FAM78B: variants seen among roughly 807,000 people sequenced by gnomAD.
FAM78B encodes protein FAM78B.
In FAM78B, 10 loss-of-function variants were observed where a neutral mutation model predicts 20.0. The ratio of observed to expected loss-of-function variants is 0.50; its 90% CI spans 0.31 to 0.85. FAM78B has a LOEUF of 0.85. Among genes scored for constraint, FAM78B ranks in the 40% least tolerant of loss-of-function variants. The pLI is 0.05. For synonymous variants in FAM78B, 135 were observed against 132.8 expected (o/e 1.02, Z -0.12); for missense variants, 283 against 345.0 (o/e 0.82, Z 1.42).
chr1:166,090,888 A>G (rs1653039170), intron 1 of FAM78B, among the ~76,000 whole-genome samples: 1 of 152,192 alleles, frequency 6.6e-6, no homozygotes, highest in Admixed American at 6.5e-5. Flanking sequence ...GGTATTGCTC[A>G]TGGCACTTCA....
intron 1 of FAM78B, among the ~76,000 whole-genome samples, chr1:166,095,621 C>T (rs890217865): frequency 6.6e-6 from 1 of 152,162 alleles, no homozygotes; most frequent in African/African-American, 2.4e-5. Flanking sequence ...TCATTGTGAG[C>T]CCGCAGGAAC....
intron 1 of FAM78B, among the ~76,000 whole-genome samples, chr1:166,121,493 T>G (rs1037453040): frequency 6.6e-6 from 1 of 152,172 alleles, no homozygotes; most frequent in Non-Finnish European, 1.5e-5. Context: ...AGGAAGGGTA[T>G]GGGTCTGTGT....
chr1:166,147,824 G>A (rs917540395), intron 1 of FAM78B: 4 of 152,160 alleles, frequency 2.6e-5, no homozygotes, highest in African/African-American at 9.7e-5. Context: ...TGTAGAGATG[G>A]GGTCTTGCGC....
intron 1 of FAM78B, among the ~76,000 whole-genome samples, chr1:166,120,298 TTAG>T (rs903159491): frequency 1.3e-5 from 2 of 152,104 alleles, no homozygotes; most frequent in African/African-American, 4.8e-5. Context: ...ACACAGCAAG[TTAG>T]TGGTGGAGCC....
chr1:166,162,002 C>A (rs1257789433), intron 1 of FAM78B, among the ~76,000 whole-genome samples: 3 of 152,070 alleles, frequency 2.0e-5, no homozygotes, highest in Non-Finnish European at 4.4e-5. Flanking sequence ...AGAAAAAAGT[C>A]CCATTAACTG....
rs529358978 is a variant in FAM78B at position 166,116,216 on chromosome 1, G to T, written c.264-45453C>A. ...TTTTCTCCGCTGTTTAACTGGGATT[G>T]CTCAGACATGTGTGCAGACTCCTGT... On this transcript the variant is annotated intron_variant, in intron 1 of 1. Transcript: ENST00000354422. 9.2e-5 allele frequency among the ~76,000 whole-genome samples: 14 copies of T among 152,324 alleles called. 1 individual carries two copies. The highest frequency in any genetic ancestry group is 3.4e-4 in the African/African-American group (14 of 41,576).
At chr1:166,066,096 T>A (rs984649707), downstream of FAM78B, among the ~76,000 whole-genome samples, 1 of 152,220 alleles carries the variant, frequency 6.6e-6, no homozygotes, top group Non-Finnish European at 1.5e-5. Context: ...CCTGCCATGT[T>A]GAGGGACGGC....
At position 166,070,048 on chromosome 1, in the gene FAM78B, G is replaced by A; in HGVS notation, c.*193C>T. 2 of 1,261,796 alleles carry A rather than the reference G, an allele frequency of 1.6e-6. No individual in the cohort carries two copies. The highest frequency in any genetic ancestry group is 2.0e-6 in the Non-Finnish European group (2 of 1,000,018). The allele number at this position is 1,261,796 out of a possible 1,614,324, so 78.2% of individuals were successfully genotyped here. On this transcript the variant is annotated 3_prime_UTR_variant, in exon 2 of 2. Coordinates refer to ENST00000354422, the MANE Select transcript of FAM78B (RefSeq NM_001017961.5). ...ATCAGTGATTTCTTTATTCCTAAGA[G>A]GAAGGGATTTTTCCTAAGGATTATG...
At chr1:166,095,666 G>T (rs546798474) in intron 1 of FAM78B, among the ~76,000 whole-genome samples, 1 of 152,224 alleles carries the variant, frequency 6.6e-6, no homozygotes, top group Non-Finnish European at 1.5e-5. Context: ...TCCTCATCCT[G>T]CCAAAAAGGG....
In FAM78B at chr1:166,117,112, C is replaced by T. The variant is rs1373096806; in HGVS notation, c.264-46349G>A. ...AAATTCAAATTTAGAATTTTCAGAC[C>T]CCCCAGAACTCTGTGTTGCACTATG... On this transcript the variant is annotated intron_variant, in intron 1 of 1. Coordinates refer to ENST00000354422, the MANE Select transcript of FAM78B (RefSeq NM_001017961.5). Among the ~76,000 whole-genome samples the T allele has an allele frequency of 2.0e-5, 3 of 152,082 alleles. No individual in the cohort carries two copies. The East Asian group carries it at 5.8e-4, about 29-fold the overall frequency.
chr1:166,095,908 C>A (rs10918345), intron 1 of FAM78B, among the ~76,000 whole-genome samples: 25,448 of 152,026 alleles, frequency 0.17, 2,298 homozygotes, highest in East Asian at 0.27. Context: ...CAGAGAAAAT[C>A]AAATACTAAA....
At chr1:166,156,368 G>A (rs1655896284) in intron 1 of FAM78B, among the ~76,000 whole-genome samples, 1 of 152,134 alleles carries the variant, frequency 6.6e-6, no homozygotes, top group Non-Finnish European at 1.5e-5. Context: ...TGAGCCAGAG[G>A]TGCCCAATGC....
intron 1 of FAM78B, among the ~76,000 whole-genome samples, chr1:166,156,938 T>C (rs1056548032): frequency 2.0e-5 from 3 of 147,978 alleles, no homozygotes; most frequent in African/African-American, 7.5e-5. Flanking sequence ...GCCTAGGGAT[T>C]AGGAGCAGCC....
At position 166,166,311 on chromosome 1, in the gene FAM78B, G is replaced by T; in HGVS notation, c.-63C>A. On this transcript the variant is annotated 5_prime_UTR_variant, in exon 1 of 2. Transcript: ENST00000354422. ...GCGCGGGGGCCCGCGCGGGCAGCCG[G>T]GGGCGCCCGTCACGCCGGCATGGCG... The T allele has an allele frequency of 8.8e-7, 1 of 1,142,500 alleles. No homozygotes were observed. 70.8% of individuals were successfully genotyped at this position (1,142,500 alleles called of 1,614,324 possible).
At chr1:166,134,164 TA>T (rs1023334288) in intron 1 of FAM78B, among the ~76,000 whole-genome samples, 1 of 152,228 alleles carries the variant, frequency 6.6e-6, no homozygotes, top group Non-Finnish European at 1.5e-5. Context: ...TGCTCTACTT[TA>T]TCCTTTTTGG....
intron 1 of FAM78B, chr1:166,154,804 C>T (rs776478896): frequency 1.0e-5 from 5 of 482,392 alleles, no homozygotes; most frequent in African/African-American, 3.9e-5. Context: ...CTAGTTGTGG[C>T]ACTGCCCTTT....
rs1488389589 is a variant in FAM78B, at chr1:166,070,383, G to T, written c.644C>A (p.Thr215Asn). The T allele has an allele frequency of 1.2e-6, 2 of 1,613,958 alleles. No individual in the cohort carries two copies. Among genetic ancestry groups the T allele is most frequent in the African/African-American group, 1.3e-5 (1 of 74,930 alleles). ...CAGGATCCGGGGCTGCTCCTGCTGA[G>T]TCCTGCCCACCAGCCGGGCCCGCTG... ...LGQRARLVGRTQQEQPRILSR... is the reference protein window; with the variant it reads ...LGQRARLVGRNQQEQPRILSR... The change falls in exon 2 of 2, where the codon ACT becomes AAT. Residue 215 changes from threonine (T) to asparagine (N), a missense_variant. Physicochemically the swap from Thr to Asn is moderately conservative, Grantham distance 65 (BLOSUM62 0). Transcript: ENST00000354422.
chr1:166,094,429 G>A (rs1653198103), intron 1 of FAM78B, among the ~76,000 whole-genome samples: 1 of 152,182 alleles, frequency 6.6e-6, no homozygotes, highest in Non-Finnish European at 1.5e-5. Context: ...TGCATGCAAT[G>A]CTGACACCTG....
intron 1 of FAM78B, among the ~76,000 whole-genome samples, chr1:166,131,594 C>T (rs958499717): frequency 2.6e-5 from 4 of 152,082 alleles, no homozygotes; most frequent in African/African-American, 9.7e-5. Context: ...GGGGGCTCTG[C>T]TGGGTAGAAC....
Sources: gnomAD v4.1 joint callset for allele counts (sites outside exome capture counted in the v4.1 genomes callset) on GRCh38, gnomAD v4.1.1 for gene constraint, MANE v1.5 for transcripts, NCBI Gene and HGNC (gene_info 2026-07-23, HGNC 2026-07-21) for gene names.